The following TAF6L variants were observed in gnomAD, a reference collection of about 807,000 sequenced individuals.
The protein encoded by TAF6L is TAF6-like RNA polymerase II p300/CBP-associated factor-associated factor 65 kDa subunit 6L.
A neutral mutation model predicts 57.3 loss-of-function variants in TAF6L; 34 were observed. The observed-to-expected ratio is 0.59, with a 90% confidence interval of 0.45 to 0.79. The LOEUF (loss-of-function observed/expected upper bound fraction) is 0.79. Ranked by LOEUF, TAF6L falls within the 30% of genes least tolerant of loss-of-function variation. The probability of loss-of-function intolerance (pLI) is 0.00; values close to 1 mark genes in which losing one functional copy is unlikely to be tolerated. For synonymous variants in TAF6L, 417 were observed against 376.3 expected (o/e 1.11, Z -1.25); for missense variants, 782 against 853.2 (o/e 0.92, Z 1.04).
intron 1 of TAF6L, among the ~76,000 whole-genome samples, chr11:62,775,239 T>C (rs1363148313): frequency 2.0e-5 from 3 of 152,138 alleles, no homozygotes; most frequent in Non-Finnish European, 4.4e-5. Context: ...AAAAGCTCTT[T>C]ATAAAACCAT....
chr11:62,776,819 G>C (rs2084191441), intron 3 of TAF6L, among the ~76,000 whole-genome samples: 1 of 147,554 alleles, frequency 6.8e-6, no homozygotes, highest in Non-Finnish European at 1.5e-5. Flanking sequence ...CTCCAGCCTG[G>C]GCAACAGAGC....
chr11:62,775,079 AAG>A (rs1491546499), intron 1 of TAF6L, among the ~76,000 whole-genome samples: 1 of 151,544 alleles, frequency 6.6e-6, no homozygotes, highest in Non-Finnish European at 1.5e-5. Context: ...AAAAAAAAAA[AAG>A]AAAAGACTGG....
rs779670910 is a variant in TAF6L at position 62,787,278 on chromosome 11, G to A, written c.1851G>A (p.Ser617=). ...GCCGGTGGGCGCTCTCGGACTACTC[G>A]CTGTACTTGCCGCTCTGAGTCAGTG... ...PARRWALSDY[S]LYLPL is the part of the protein sequence containing the mutation. Residue 617 remains serine, a synonymous_variant, in exon 11 of 11, where the codon TCG becomes TCA. Transcript: ENST00000294168. 2.6e-6 allele frequency: 4 copies of A among 1,549,660 alleles called. No homozygotes were observed. The highest frequency in any genetic ancestry group is 2.6e-6 in the Non-Finnish European group (3 of 1,155,484).
Position 62,787,231 on chromosome 11 carries a change from G to T in TAF6L, c.1804G>T (p.Gly602Cys). 6.4e-7 allele frequency: 1 copy of T among 1,574,788 alleles called. No individual in the cohort carries two copies. The highest frequency in any genetic ancestry group is 8.6e-7 in the Non-Finnish European group (1 of 1,168,326). Reference sequence around the variant, plus strand: ...CTACGTGCAGAAACTGCCCATGATCGGCCGTACCAGCCGCCCCGCCCGCCG... The same window carrying T: ...CTACGTGCAGAAACTGCCCATGATCTGCCGTACCAGCCGCCCCGCCCGCCG... ...SRYVQKLPMI[G>C]RTSRPARRWA... Residue 602 changes from glycine (G) to cysteine (C), a missense_variant, in exon 11 of 11, where the codon GGC becomes TGC. Physicochemically the swap from Gly to Cys is radical, Grantham distance 159. Coordinates refer to ENST00000294168, the MANE Select transcript of TAF6L (RefSeq NM_006473.4).
intron 5 of TAF6L, chr11:62,778,658 TG>T: frequency 1.6e-6 from 1 of 610,822 alleles, no homozygotes. Context: ...TGGCAGAGGG[TG>T]GGTGGAAGAC....
Position 62,782,209 on chromosome 11 carries a change from G to A in TAF6L, c.703G>A (p.Val235Ile). ...TCCGCACCTGTGCTTGGGGCCCTAT[G>A]TCCGCTGTCTGGTGGGCAGTGTCCT... ...RNPHLCLGPY[V>I]RCLVGSVLYC... Residue 235 changes from valine (V) to isoleucine (I), a missense_variant, in exon 8 of 11, where the codon GTC becomes ATC. Physicochemically the swap from Val to Ile is conservative, Grantham distance 29 (BLOSUM62 3). This residue lies in a region of TAF6L where 79 missense variants were observed against 156.0 expected (regional missense o/e 0.51). Transcript: ENST00000294168. 1 of 1,614,232 alleles carries A rather than the reference G, an allele frequency of 6.2e-7. No homozygotes were observed. The highest frequency in any genetic ancestry group is 8.5e-7 in the Non-Finnish European group (1 of 1,180,044).
At chr11:62,784,081 C>T (rs562718024) in intron 9 of TAF6L, among the ~76,000 whole-genome samples, 219 of 94,954 alleles carry the variant, frequency 2.3e-3, no homozygotes, top group Non-Finnish European at 3.4e-3. Context: ...CTCCACCTCC[C>T]GGGTTCAAGT....
intron 1 of TAF6L, chr11:62,771,938 G>C (rs2134693194): frequency 2.8e-6 from 1 of 356,932 alleles, no homozygotes; most frequent in East Asian, 7.5e-5. Flanking sequence ...CCAAGGGGTG[G>C]GTCTCCAATC....
intron 1 of TAF6L, chr11:62,774,790 A>G: frequency 2.9e-6 from 1 of 349,832 alleles, no homozygotes; most frequent in South Asian, 2.1e-5. Flanking sequence ...TTCTACTAAA[A>G]ATACAAAAAT....
intron 3 of TAF6L, 66 bp from the exon 4 acceptor site, chr11:62,777,912 A>C (rs2084198836): frequency 6.3e-7 from 1 of 1,575,484 alleles, no homozygotes; most frequent in African/African-American, 1.3e-5. Context: ...GTGGAGCCTC[A>C]TCCTGGATCC....
At chr11:62,781,816 C>T in intron 6 of TAF6L, 78 bp from the exon 7 acceptor site, 2 of 1,202,010 alleles carry the variant, frequency 1.7e-6, no homozygotes, top group South Asian at 2.4e-5. Context: ...AGGTGATACA[C>T]TGTCTTCCAG....
rs761575075 is a variant in TAF6L at position 62,786,781 on chromosome 11, T to C, written c.1354T>C (p.Leu452=). Residue 452 remains leucine (L), a synonymous_variant, in exon 11 of 11, where the codon TTG becomes CTG. Transcript: ENST00000294168. ...RELYAFFGDS[L]ATRFGTGQPA... Reference sequence around the variant, plus strand: ...GCTCTACGCCTTCTTCGGTGACAGCTTGGCCACACGCTTTGGCACCGGCCA... The same window carrying C: ...GCTCTACGCCTTCTTCGGTGACAGCCTGGCCACACGCTTTGGCACCGGCCA... The C allele has an allele frequency of 1.3e-5, 21 of 1,611,850 alleles. No homozygotes were observed. In the East Asian group the frequency reaches 4.2e-4, roughly 33 times the overall value.
rs1390201836 is a variant in TAF6L at position 62,778,071 on chromosome 11, G to A, written c.328G>A (p.Val110Met). The change falls in exon 4 of 11, where the codon GTG becomes ATG. Residue 110 changes from valine (V) to methionine (M), a missense_variant. Val to Met is a conservative substitution (Grantham distance 21). Coordinates refer to ENST00000294168, the MANE Select transcript of TAF6L (RefSeq NM_006473.4). ...TCCTGAGGATCGAGAGGTGAACCTG[G>A]TGGAGCTGGCCCTGGCTACCAACAT... ...YFPEDREVNL[V>M]ELALATNIPK... 6.2e-6 allele frequency: 10 copies of A among 1,614,116 alleles called. No homozygotes were observed. The highest frequency in any genetic ancestry group is 8.5e-6 in the Non-Finnish European group (10 of 1,180,018).
chr11:62,772,852 CTTTT>C (rs35555640), intron 1 of TAF6L, among the ~76,000 whole-genome samples: 4 of 142,514 alleles, frequency 2.8e-5, no homozygotes, highest in Non-Finnish European at 4.6e-5. Flanking sequence ...TTTAGAAGAT[CTTTT>C]TTTTTTGTTT....
chr11:62,787,162 C>A lies in TAF6L; in HGVS notation c.1735C>A (p.Gln579Lys), dbSNP rs1329483691. 2 of 1,580,406 alleles carry A rather than the reference C, an allele frequency of 1.3e-6. No individual in the cohort carries two copies. Among genetic ancestry groups the A allele is most frequent in the Non-Finnish European group, 8.5e-7 (1 of 1,172,498 alleles). Reference sequence around the variant, plus strand: ...GAGGCGCTGCCGCGGGCGCCTTTTCCAGACTGCCTTCCCCGCGCCGTACGG... The same window carrying A: ...GAGGCGCTGCCGCGGGCGCCTTTTCAAGACTGCCTTCCCCGCGCCGTACGG... ...AGRRCRGRLF[Q>K]TAFPAPYGPS... Residue 579 changes from glutamine (Q) to lysine (K), a missense_variant, in exon 11 of 11, where the codon CAG becomes AAG. Physicochemically the swap from Gln to Lys is moderately conservative, Grantham distance 53. This residue lies in a region of TAF6L where 483 missense variants were observed against 445.1 expected (regional missense o/e 1.09). Coordinates refer to ENST00000294168, the MANE Select transcript of TAF6L (RefSeq NM_006473.4).
chr11:62,772,101 A>G (rs768829869), intron 1 of TAF6L: 1 of 456,270 alleles, frequency 2.2e-6, no homozygotes, highest in Non-Finnish European at 4.4e-6. Flanking sequence ...GAAGTCATGG[A>G]ACATTTAGCC....
chr11:62,776,311 C>T lies in TAF6L; in HGVS notation c.148-73C>T, dbSNP rs878939779. 115 of 1,487,890 alleles carry T rather than the reference C, an allele frequency of 7.7e-5. 2 individuals are homozygous for T. In the South Asian group the frequency reaches 1.2e-3, roughly 15 times the overall value. The allele number at this position is 1,487,890 out of a possible 1,614,324, so 92.2% of individuals were successfully genotyped here. On this transcript the variant is annotated intron_variant, in intron 2 of 10. Coordinates refer to ENST00000294168, the MANE Select transcript of TAF6L (RefSeq NM_006473.4). ...CTGTTTGCCTTCTCTCCAGTCTGGC[C>T]CACTTCATTTGGGGTTTCCCATGCC...
At chr11:62,778,987 G>A in intron 6 of TAF6L, 24 bp downstream of exon 6, 4 of 1,597,886 alleles carry the variant, frequency 2.5e-6, no homozygotes, top group Non-Finnish European at 2.6e-6. Context: ...CCCAAGTTGG[G>A]GCACAAAGTT....
intron 7 of TAF6L, 64 bp from the exon 8 acceptor site, chr11:62,782,049 G>C (rs1433161045): frequency 6.3e-7 from 1 of 1,591,650 alleles, no homozygotes; most frequent in Admixed American, 1.7e-5. Flanking sequence ...GGCAAGTGCT[G>C]TCAGAATGGT....
Sources: allele counts gnomAD v4.1 joint callset (sites outside exome capture counted in the v4.1 genomes callset), GRCh38; gene constraint gnomAD v4.1.1; regional missense constraint gnomAD v4.1.1; transcripts MANE v1.5; gene names NCBI Gene and HGNC (gene_info 2026-07-23, HGNC 2026-07-21).